Variants in MARCHF1 observed in about 807,000 individuals in gnomAD.
MARCHF1 encodes the protein membrane associated ring-CH-type finger 1.
Under a neutral mutation model 54.2 loss-of-function variants are expected in MARCHF1, and 40 were observed. The ratio of observed to expected loss-of-function variants is 0.74; its 90% CI spans 0.57 to 0.96. The LOEUF is 0.96. Among genes scored for constraint, MARCHF1 ranks in the 40% least tolerant of loss-of-function variants. The pLI, the probability that MARCHF1 is intolerant of heterozygous loss-of-function variation, is 0.00. For synonymous variants in MARCHF1, 236 were observed against 236.3 expected (o/e 1.00, Z 0.01); for missense variants, 586 against 656.5 (o/e 0.89, Z 1.17).
At chr4:163,980,174 G>A (rs1302213140) in intron 3 of MARCHF1, among the ~76,000 whole-genome samples, 3 of 141,054 alleles carry the variant, frequency 2.1e-5, no homozygotes, top group African/African-American at 5.4e-5. Context: ...CAGAGATATA[G>A]ATCAATGGAA....
intron 4 of MARCHF1, among the ~76,000 whole-genome samples, chr4:163,774,860 C>T (rs917945378): frequency 6.6e-6 from 1 of 151,948 alleles, no homozygotes; most frequent in African/African-American, 2.4e-5. Flanking sequence ...TATTATTATC[C>T]CTATCTTCTA....
chr4:164,189,162 C>A, intron 1 of MARCHF1: 2 of 582,526 alleles, frequency 3.4e-6, no homozygotes, highest in South Asian at 3.8e-5. Flanking sequence ...ACTAGCGTGT[C>A]ATGGAACATT....
chr4:163,689,566 T>A (rs79294768), intron 5 of MARCHF1, among the ~76,000 whole-genome samples: 1 of 152,174 alleles, frequency 6.6e-6, no homozygotes, highest in Non-Finnish European at 1.5e-5. Context: ...ATTTAAATAG[T>A]CACCTATGGC....
At chr4:164,356,978 G>A (rs1365612741) in intron 1 of MARCHF1, among the ~76,000 whole-genome samples, 1 of 151,784 alleles carries the variant, frequency 6.6e-6, no homozygotes, top group Non-Finnish European at 1.5e-5. Flanking sequence ...GTGGAGGGTA[G>A]GAGGCAGGAG....
chr4:163,620,604 CACAGAG>C (rs1475475002), intron 5 of MARCHF1, among the ~76,000 whole-genome samples: 3,622 of 49,326 alleles, frequency 0.073, 40 homozygotes, highest in Middle Eastern at 0.13. Flanking sequence ...CACACACACA[CACAGAG>C]AGAGAGAGAG....
intron 3 of MARCHF1, among the ~76,000 whole-genome samples, chr4:163,968,770 C>T (rs1442060246): frequency 1.3e-5 from 2 of 152,120 alleles, no homozygotes; most frequent in Admixed American, 1.3e-4. Context: ...CTTCCATCTG[C>T]CCCTCATCCA....
chr4:164,023,676 C>G (rs1753712721), intron 2 of MARCHF1, among the ~76,000 whole-genome samples: 1 of 152,144 alleles, frequency 6.6e-6, no homozygotes, highest in South Asian at 2.1e-4. Context: ...ATTCAAAAAG[C>G]CAGTATCCCC....
chr4:164,329,118 G>A (rs1735359324), intron 1 of MARCHF1, among the ~76,000 whole-genome samples: 2 of 152,104 alleles, frequency 1.3e-5, no homozygotes, highest in Non-Finnish European at 2.9e-5. Context: ...TCAATCATTT[G>A]ATCCTTGGAA....
chr4:163,725,654 G>C (rs1249812898), intron 4 of MARCHF1, among the ~76,000 whole-genome samples: 1 of 152,140 alleles, frequency 6.6e-6, no homozygotes, highest in Non-Finnish European at 1.5e-5. Context: ...GTCTATGGTT[G>C]TAAGACAGTA....
chr4:163,574,636 G>A (rs1007840449), intron 8 of MARCHF1, among the ~76,000 whole-genome samples: 2 of 150,404 alleles, frequency 1.3e-5, no homozygotes, highest in Admixed American at 6.6e-5. Flanking sequence ...GATATGCGGT[G>A]TTATTTCTGA....
chr4:164,013,835 G>A (rs1330422102), intron 2 of MARCHF1, among the ~76,000 whole-genome samples: 5 of 152,098 alleles, frequency 3.3e-5, no homozygotes, highest in African/African-American at 1.2e-4. Context: ...AACAAAAGCT[G>A]AGGAATTTCT....
chr4:163,633,307 G>C (rs10025486), intron 5 of MARCHF1, among the ~76,000 whole-genome samples: 17 of 152,128 alleles, frequency 1.1e-4, no homozygotes, highest in African/African-American at 3.6e-4. Context: ...TGAGCTATGG[G>C]AGGACATTCA....
At chr4:163,818,038 C>T (rs930515756) in intron 4 of MARCHF1, among the ~76,000 whole-genome samples, 1 of 150,202 alleles carries the variant, frequency 6.7e-6, no homozygotes, top group Non-Finnish European at 1.5e-5. Flanking sequence ...GTGCAGCACA[C>T]CAGCATGGCA....
chr4:164,172,339 G>A (rs768436103), intron 1 of MARCHF1, among the ~76,000 whole-genome samples: 13 of 152,232 alleles, frequency 8.5e-5, no homozygotes, highest in African/African-American at 1.4e-4. Flanking sequence ...TTGTTGATAA[G>A]CTTCAATTTT....
At chr4:163,889,919 C>CTTTTTTTTTTTTTT (rs146357456) in intron 3 of MARCHF1, among the ~76,000 whole-genome samples, 10 of 117,234 alleles carry the variant, frequency 8.5e-5, no homozygotes, top group Admixed American at 2.2e-4. Flanking sequence ...TATTTATTTT[C>CTTTTTTTTTTTTTT]TTTTTTCTTT....
At chr4:163,911,030 C>T (rs543229197) in intron 3 of MARCHF1, among the ~76,000 whole-genome samples, 18 of 152,166 alleles carry the variant, frequency 1.2e-4, no homozygotes, top group African/African-American at 4.1e-4. Flanking sequence ...ATGTCATTTT[C>T]CCTTACTTCA....
chr4:164,365,233 C>A (rs1258570163), intron 1 of MARCHF1, among the ~76,000 whole-genome samples: 1 of 151,948 alleles, frequency 6.6e-6, no homozygotes, highest in African/African-American at 2.4e-5. Context: ...TCTGGACTCA[C>A]ATAAAAAGTG....
At chr4:164,222,327 A>T (rs1732138923) in intron 1 of MARCHF1, among the ~76,000 whole-genome samples, 2 of 151,226 alleles carry the variant, frequency 1.3e-5, no homozygotes, top group African/African-American at 4.9e-5. Flanking sequence ...TGTTTTAGGC[A>T]TATAAGGAAA....
At chr4:164,212,083 AT>A (rs1265786620) in intron 1 of MARCHF1, among the ~76,000 whole-genome samples, 2 of 152,114 alleles carry the variant, frequency 1.3e-5, no homozygotes, top group Non-Finnish European at 2.9e-5. Flanking sequence ...GATGATGATG[AT>A]GATAAAAAAT....
Sources: gnomAD v4.1 joint callset for allele counts (sites outside exome capture counted in the v4.1 genomes callset) on GRCh38, gnomAD v4.1.1 for gene constraint, MANE v1.5 for transcripts, NCBI Gene and HGNC (gene_info 2026-07-23, HGNC 2026-07-21) for gene names.